FHIT: variants seen among roughly 807,000 people sequenced by gnomAD.
FHIT encodes the protein bis(5'-adenosyl)-triphosphatase.
A neutral mutation model predicts 17.9 loss-of-function variants in FHIT; 19 were observed. That is an observed-to-expected ratio of 1.06 (90% CI 0.74 to 1.56). The LOEUF (loss-of-function observed/expected upper bound fraction) is 1.56, where lower values mean the gene tolerates loss of function less well. Ranked by LOEUF, FHIT falls within the 40% of genes most tolerant of loss-of-function variation. FHIT has a pLI of 0.00. For synonymous variants in FHIT, 81 were observed against 69.7 expected (o/e 1.16, Z -0.81); for missense variants, 248 against 189.2 (o/e 1.31, Z -1.82).
At chr3:60,065,773 C>A (rs1373394245) in intron 5 of FHIT, among the ~76,000 whole-genome samples, 3 of 152,162 alleles carry the variant, frequency 2.0e-5, no homozygotes, top group Non-Finnish European at 4.4e-5. Flanking sequence ...CTGTTCCCAT[C>A]CCATGGCCAA....
At chr3:60,323,595 G>C (rs528434866) in intron 5 of FHIT, among the ~76,000 whole-genome samples, 5 of 152,286 alleles carry the variant, frequency 3.3e-5, no homozygotes, top group African/African-American at 1.2e-4. Context: ...CTAGGGAGCA[G>C]ATCCCCATCT....
intron 5 of FHIT, among the ~76,000 whole-genome samples, chr3:60,233,633 T>C (rs551568304): frequency 8.5e-5 from 13 of 152,290 alleles, no homozygotes; most frequent in African/African-American, 2.9e-4. Flanking sequence ...TTAAGTCCTT[T>C]TGAAAAATAA....
At chr3:59,962,084 G>C (rs1414387063) in intron 7 of FHIT, among the ~76,000 whole-genome samples, 4 of 152,176 alleles carry the variant, frequency 2.6e-5, no homozygotes, top group African/African-American at 9.6e-5. Flanking sequence ...GAACACCATA[G>C]AGATGTTCCA....
At chr3:60,150,362 T>C (rs2107328142) in intron 5 of FHIT, among the ~76,000 whole-genome samples, 2 of 152,252 alleles carry the variant, frequency 1.3e-5, no homozygotes, top group Admixed American at 6.5e-5. Context: ...GTATAAAATA[T>C]ATTGGAGTCA....
intron 5 of FHIT, among the ~76,000 whole-genome samples, chr3:60,094,221 A>G (rs982240704): frequency 1.3e-5 from 2 of 152,146 alleles, no homozygotes; most frequent in Non-Finnish European, 2.9e-5. Flanking sequence ...TTGACAAATG[A>G]TATCTAATGC....
At chr3:60,287,803 C>T (rs968011997) in intron 5 of FHIT, among the ~76,000 whole-genome samples, 4 of 85,840 alleles carry the variant, frequency 4.7e-5, no homozygotes, top group Non-Finnish European at 9.0e-5. Context: ...GGAAACTGCA[C>T]ACACTTCATC....
At position 61,012,720 on chromosome 3, in the gene FHIT, A is replaced by T. The variant is rs545666846; in HGVS notation, c.-111+29327T>A. 3.1e-3 allele frequency among the ~76,000 whole-genome samples: 471 copies of T among 151,602 alleles called. 1 individual carries two copies. Among genetic ancestry groups the T allele is most frequent in the Non-Finnish European group, 5.1e-3 (346 of 67,792 alleles). On this transcript the variant is annotated intron_variant, in intron 3 of 9. Transcript: ENST00000492590. The stretch of plus-strand genomic sequence containing the variant: ...TTAATATATAAAAAATATAAGAAAT[A>T]CATATTTTTTGTTTTGATCAATCTT...
chr3:60,880,057 T>C (rs1704885685), intron 3 of FHIT, among the ~76,000 whole-genome samples: 1 of 152,202 alleles, frequency 6.6e-6, no homozygotes, highest in African/African-American at 2.4e-5. Flanking sequence ...CCCGAATAGA[T>C]TCAAGCCCTG....
chr3:60,089,313 T>C lies in FHIT; in HGVS notation c.104-75161A>G, dbSNP rs115061900. The stretch of plus-strand genomic sequence containing the variant: ...TCTAACTTTATTAAACTTTTTAGTA[T>C]ATTTTTGGGTTTTTTTTGTTGTTGG... On this transcript the variant is annotated intron_variant, in intron 5 of 9. Transcript: ENST00000492590. Among the ~76,000 whole-genome samples the C allele has an allele frequency of 4.0e-3, 608 of 152,340 alleles. 1 individual carries two copies. Among genetic ancestry groups the C allele is most frequent in the African/African-American group, 0.014 (564 of 41,578 alleles).
intron 8 of FHIT, among the ~76,000 whole-genome samples, chr3:59,822,248 C>T (rs1700819444): frequency 1.3e-5 from 2 of 152,198 alleles, no homozygotes; most frequent in South Asian, 4.1e-4. Context: ...AATTGTGCTG[C>T]TATGAACATG....
At chr3:60,255,412 G>A (rs1262523567) in intron 5 of FHIT, among the ~76,000 whole-genome samples, 1 of 152,152 alleles carries the variant, frequency 6.6e-6, no homozygotes, top group Non-Finnish European at 1.5e-5. Flanking sequence ...TAGGGGCCTG[G>A]CAGGTACTGA....
chr3:59,865,324 C>T (rs1265641453), intron 8 of FHIT, among the ~76,000 whole-genome samples: 1 of 152,224 alleles, frequency 6.6e-6, no homozygotes, highest in African/African-American at 2.4e-5. Flanking sequence ...AACATAAATC[C>T]TTCTCCCCAT....
At chr3:61,138,906 T>C (rs144202313) in intron 2 of FHIT, among the ~76,000 whole-genome samples, 16 of 152,254 alleles carry the variant, frequency 1.1e-4, no homozygotes, top group African/African-American at 3.9e-4. Context: ...TGCTCTAGAA[T>C]TTCCAACCAA....
intron 2 of FHIT, among the ~76,000 whole-genome samples, chr3:61,141,198 A>C (rs544699387): frequency 6.6e-6 from 1 of 152,142 alleles, no homozygotes; most frequent in Non-Finnish European, 1.5e-5. Context: ...CACTCAGAAC[A>C]GGACCACCTG....
chr3:60,287,325 C>T (rs989179560), intron 5 of FHIT, among the ~76,000 whole-genome samples: 9 of 152,226 alleles, frequency 5.9e-5, no homozygotes, highest in East Asian at 5.8e-4. Context: ...TGCGCCACCA[C>T]ACCCGGCTAA....
chr3:60,814,792 C>T (rs1292655396), intron 4 of FHIT, among the ~76,000 whole-genome samples: 2 of 152,020 alleles, frequency 1.3e-5, no homozygotes, highest in Non-Finnish European at 2.9e-5. Context: ...AAACTGCTTT[C>T]CACAGTGGCC....
chr3:60,627,906 T>C (rs1559595928), intron 4 of FHIT, among the ~76,000 whole-genome samples: 1 of 152,236 alleles, frequency 6.6e-6, no homozygotes, highest in East Asian at 1.9e-4. Flanking sequence ...TTTCTCTGGT[T>C]TGTTCATCTT....
chr3:61,192,316 G>C (rs943938367), intron 2 of FHIT, among the ~76,000 whole-genome samples: 1 of 152,152 alleles, frequency 6.6e-6, no homozygotes, highest in Admixed American at 6.5e-5. Context: ...AATGTAACTT[G>C]GTAGAGCAAT....
chr3:60,378,977 G>T (rs771427785), intron 5 of FHIT, among the ~76,000 whole-genome samples: 2 of 152,232 alleles, frequency 1.3e-5, no homozygotes, highest in Non-Finnish European at 2.9e-5. Flanking sequence ...CACATCCCCA[G>T]TCCTTGAAGA....
Sources: gnomAD v4.1 joint callset for allele counts (sites outside exome capture counted in the v4.1 genomes callset) on GRCh38, gnomAD v4.1.1 for gene constraint, MANE v1.5 for transcripts, NCBI Gene and HGNC (gene_info 2026-07-23, HGNC 2026-07-21) for gene names.